RTTN: variants seen among roughly 807,000 people sequenced by gnomAD.
RTTN encodes rotatin.
In RTTN, 182 loss-of-function variants were observed where a neutral mutation model predicts 269.2. The observed-to-expected ratio is 0.68, with a 90% CI of 0.60 to 0.76. RTTN has a LOEUF of 0.76. Among genes scored for constraint, RTTN ranks in the 30% least tolerant of loss-of-function variants. The pLI is 0.00. For synonymous variants in RTTN, 1,006 were observed against 963.5 expected (o/e 1.04, Z -0.82); for missense variants, 2,545 against 2,608.6 (o/e 0.98, Z 0.53).
chr18:70,203,336 G>A (rs1235490370), intron 3 of RTTN, among the ~76,000 whole-genome samples: 1 of 152,044 alleles, frequency 6.6e-6, no homozygotes, highest in Non-Finnish European at 1.5e-5. Context: ...CCTACTAGCT[G>A]GGATTACAGG....
chr18:70,203,833 T>C (rs2062013185), intron 3 of RTTN, among the ~76,000 whole-genome samples: 1 of 152,170 alleles, frequency 6.6e-6, no homozygotes, highest in Non-Finnish European at 1.5e-5. Context: ...AAAAATAATC[T>C]GTCAAACTGG....
At position 70,030,988 on chromosome 18, in the gene RTTN, A is replaced by C; in HGVS notation, c.5542-7T>G. ...AGGATTTCCCTTCATAGCACTGCAG[A>C]GAATATAAATCAAACTGCCTTGAAG... On this transcript the variant is annotated splice_region_variant and splice_polypyrimidine_tract_variant and intron_variant, in intron 40 of 48. Transcript: ENST00000640769. The C allele has an allele frequency of 6.3e-7, 1 of 1,592,030 alleles. No homozygotes were observed. The highest frequency in any genetic ancestry group is 8.6e-7 in the Non-Finnish European group (1 of 1,165,226).
In RTTN at chr18:70,121,647, A is replaced by G. The variant is rs2059741244; in HGVS notation, c.3437T>C (p.Ile1146Thr). The change falls in exon 26 of 49, where the codon ATC (isoleucine) becomes ACC (threonine). Residue 1146 changes from isoleucine (I) to threonine (T), a missense_variant. Coordinates refer to ENST00000640769, the MANE Select transcript of RTTN (RefSeq NM_173630.4). ...TATTAATTTATTTAAAAAATGTATGATATCTATTAGCAGTTTCTCATCTTC... is the reference window on the plus strand; with the variant it reads ...TATTAATTTATTTAAAAAATGTATGGTATCTATTAGCAGTTTCTCATCTTC... The part of the protein sequence containing the change: ...CTEDEKLLID[I>T]IHFLNKLIKE... 6.3e-7 allele frequency: 1 copy of G among 1,576,010 alleles called. No homozygotes were observed. The highest frequency in any genetic ancestry group is 8.6e-7 in the Non-Finnish European group (1 of 1,166,630).
At position 70,091,263 on chromosome 18, in the gene RTTN, A is replaced by G. The variant is rs542272424; in HGVS notation, c.4143+847T>C. Among the ~76,000 whole-genome samples the G allele has an allele frequency of 1.1e-4, 16 of 152,272 alleles. No individual in the cohort carries two copies. The East Asian group carries it at 2.5e-3, about 24-fold the overall frequency. ...ATGAAGTTCAGGGGCTCAGGGATGGAAAACTATGAACTGAATTGCGTCCCT... is the reference window on the plus strand; with the variant it reads ...ATGAAGTTCAGGGGCTCAGGGATGGGAAACTATGAACTGAATTGCGTCCCT... On this transcript the variant is annotated intron_variant, in intron 30 of 48. Coordinates refer to ENST00000640769, the MANE Select transcript of RTTN (RefSeq NM_173630.4).
Position 70,127,543 on chromosome 18 carries a change from C to G in RTTN, c.3342G>C (p.Gly1114=). 6.2e-7 allele frequency: 1 copy of G among 1,613,450 alleles called. No individual in the cohort carries two copies. Among genetic ancestry groups the G allele is most frequent in the South Asian group, 1.1e-5 (1 of 91,064 alleles). ...LSLKGCPGPC[G]VTLKSLAWHT... is the part of the protein sequence containing the mutation. ...GCCAAGCCAAGGACTTCAAGGTAAC[C>G]CCACATGGACCAGGGCAACCCTTTA... The change falls in exon 25 of 49, where the codon GGG becomes GGC. Residue 1114 remains glycine (G), a synonymous_variant. Coordinates refer to ENST00000640769, the MANE Select transcript of RTTN (RefSeq NM_173630.4).
chr18:70,131,728 A>G (rs2145646126), intron 23 of RTTN: 1 of 151,994 alleles, frequency 6.6e-6, no homozygotes, highest in Non-Finnish European at 1.5e-5. Context: ...CTACAAGTTA[A>G]CAGCTGGAAA....
intron 5 of RTTN, among the ~76,000 whole-genome samples, chr18:70,199,006 G>A (rs1453999662): frequency 6.6e-6 from 1 of 152,116 alleles, no homozygotes; most frequent in Non-Finnish European, 1.5e-5. Context: ...GGCCAACGTG[G>A]GGAAACCCCA....
chr18:70,039,459 G>T (rs72959829), intron 40 of RTTN, among the ~76,000 whole-genome samples: 2 of 151,318 alleles, frequency 1.3e-5, no homozygotes, highest in African/African-American at 4.8e-5. Flanking sequence ...TAGTACATAC[G>T]ATGAAACTAT....
At chr18:70,008,305 G>C (rs575821074) in intron 46 of RTTN, 1 of 152,244 alleles carries the variant, frequency 6.6e-6, no homozygotes, top group African/African-American at 2.4e-5. Context: ...GGAAAACCCA[G>C]TGCAAAAAGG....
At chr18:70,142,891 A>G (rs2060294142) in intron 18 of RTTN, among the ~76,000 whole-genome samples, 1 of 152,096 alleles carries the variant, frequency 6.6e-6, no homozygotes, top group South Asian at 2.1e-4. Context: ...TGGGTGTGGT[A>G]GTACACACCT....
chr18:70,202,088 T>G, intron 3 of RTTN, 105 bp from the exon 4 acceptor site: 1 of 610,286 alleles, frequency 1.6e-6, no homozygotes, highest in Non-Finnish European at 2.7e-6. Flanking sequence ...TGGAATCATT[T>G]TAAAAATTAA....
intron 32 of RTTN, among the ~76,000 whole-genome samples, chr18:70,082,865 A>G (rs1239655319): frequency 1.3e-5 from 2 of 151,590 alleles, no homozygotes; most frequent in Non-Finnish European, 2.9e-5. Context: ...CCAATTTTTA[A>G]AATTTTTTTT....
chr18:70,166,258 A>C, intron 13 of RTTN, 70 bp from the exon 14 acceptor site: 1 of 1,499,906 alleles, frequency 6.7e-7, no homozygotes, highest in Non-Finnish European at 9.2e-7. Context: ...TGCAAAGCAT[A>C]CTGGAAGGGA....
chr18:70,091,172 T>C (rs1043258605), intron 30 of RTTN, among the ~76,000 whole-genome samples: 4 of 152,256 alleles, frequency 2.6e-5, no homozygotes, highest in African/African-American at 9.6e-5. Context: ...ACAGTTGATT[T>C]GGGAATAAGT....
intron 40 of RTTN, among the ~76,000 whole-genome samples, chr18:70,040,512 C>A (rs557312507): frequency 6.6e-6 from 1 of 152,106 alleles, no homozygotes; most frequent in Admixed American, 6.5e-5. Flanking sequence ...GATCTCAAGA[C>A]GATAATGGCT....
intron 29 of RTTN, 69 bp downstream of exon 29, chr18:70,092,607 A>T: frequency 6.5e-7 from 1 of 1,533,122 alleles, no homozygotes; most frequent in Non-Finnish European, 8.8e-7. Flanking sequence ...ATATGCTTGA[A>T]ATGTGTTGGA....
chr18:70,127,730 G>C lies in RTTN; in HGVS notation c.3155C>G (p.Ala1052Gly). The C allele has an allele frequency of 6.2e-7, 1 of 1,610,024 alleles. No individual in the cohort carries two copies. The highest frequency in any genetic ancestry group is 8.5e-7 in the Non-Finnish European group (1 of 1,177,322). ...GATGTCCTCTGTAGATAACTTCAAT[G>C]CATCTAAAATTCTAGACAAAAAGAA... ...SETKTQEILDALKLSTEDILT... is the reference protein window; with the variant it reads ...SETKTQEILDGLKLSTEDILT... The change falls in exon 25 of 49, where the codon GCA becomes GGA. Residue 1052 changes from alanine (A) to glycine (G), a missense_variant. Physicochemically the swap from Ala to Gly is moderately conservative, Grantham distance 60 (BLOSUM62 0). Transcript: ENST00000640769.
chr18:70,123,456 T>C (rs757303872), intron 25 of RTTN, among the ~76,000 whole-genome samples: 29 of 152,134 alleles, frequency 1.9e-4, no homozygotes, highest in Admixed American at 3.3e-4. Flanking sequence ...ACTGGAATTT[T>C]GTAACCTCTC....
chr18:70,100,147 T>C lies in RTTN; in HGVS notation c.3904-7343A>G, dbSNP rs551379181. Among the ~76,000 whole-genome samples the C allele has an allele frequency of 3.1e-4, 48 of 152,384 alleles. 1 individual carries two copies. The highest frequency in any genetic ancestry group is 2.8e-4 in the Non-Finnish European group (19 of 68,040). On this transcript the variant is annotated intron_variant, in intron 28 of 48. Coordinates refer to ENST00000640769, the MANE Select transcript of RTTN (RefSeq NM_173630.4). Reference sequence around the variant, plus strand: ...CATTGGTAGCTTGATGAAGGTGGCATTGAATCTATAAATTACCTTGGCCAG... The same window carrying C: ...CATTGGTAGCTTGATGAAGGTGGCACTGAATCTATAAATTACCTTGGCCAG...
Sources: allele counts gnomAD v4.1 joint callset (sites outside exome capture counted in the v4.1 genomes callset), GRCh38; gene constraint gnomAD v4.1.1; transcripts MANE v1.5; gene names NCBI Gene and HGNC (gene_info 2026-07-23, HGNC 2026-07-21).